SLC12A2: variants seen among roughly 807,000 people sequenced by gnomAD.
The protein encoded by SLC12A2 is solute carrier family 12 member 2, also known as Na-K-2Cl cotransporter 1.
A neutral mutation model predicts 136.3 loss-of-function variants in SLC12A2; 67 were observed. That is an observed-to-expected ratio of 0.49 (90% CI 0.40 to 0.60). The LOEUF is 0.60. Among genes scored for constraint, SLC12A2 ranks in the 20% least tolerant of loss-of-function variants. SLC12A2 has a pLI of 0.00. For synonymous variants in SLC12A2, 619 were observed against 562.9 expected (o/e 1.10, Z -1.41); for missense variants, 1,322 against 1,534.7 (o/e 0.86, Z 2.32).
chr5:128,137,271 CTTCTT>C (rs1762217656), intron 7 of SLC12A2, among the ~76,000 whole-genome samples: 1 of 152,090 alleles, frequency 6.6e-6, no homozygotes, highest in South Asian at 2.1e-4. Context: ...AGAATTTTAT[CTTCTT>C]TTATTTCCTC....
chr5:128,163,728 T>C (rs1763115838), intron 17 of SLC12A2, among the ~76,000 whole-genome samples: 1 of 152,128 alleles, frequency 6.6e-6, no homozygotes. Flanking sequence ...TTAAAAAGTA[T>C]ATGAACAATA....
chr5:128,134,130 G>C (rs768460346), intron 5 of SLC12A2, 35 bp from the exon 6 acceptor site: 6 of 1,088,140 alleles, frequency 5.5e-6, no homozygotes, highest in Non-Finnish European at 8.5e-6. Context: ...AAAATAACTA[G>C]TATTGCTTAT....
chr5:128,129,827 T>C (rs1056014656), intron 4 of SLC12A2, among the ~76,000 whole-genome samples: 4 of 152,196 alleles, frequency 2.6e-5, no homozygotes, highest in African/African-American at 9.7e-5. Context: ...CAAATTTAAA[T>C]TAGAATTTTA....
intron 16 of SLC12A2, among the ~76,000 whole-genome samples, chr5:128,160,423 G>A (rs1261802303): frequency 2.0e-5 from 3 of 151,872 alleles, no homozygotes; most frequent in Admixed American, 1.3e-4. Flanking sequence ...AGAACACTTG[G>A]GAACATTTAC....
At chr5:128,178,827 A>C in intron 22 of SLC12A2, 138 bp downstream of exon 22, 1 of 538,302 alleles carries the variant, frequency 1.9e-6, no homozygotes, top group Non-Finnish European at 3.1e-6. Flanking sequence ...TTAATTTCAG[A>C]ATCAGGCACA....
chr5:128,151,512 T>C, intron 14 of SLC12A2, 116 bp downstream of exon 14: 1 of 962,082 alleles, frequency 1.0e-6, no homozygotes, highest in Non-Finnish European at 1.5e-6. Flanking sequence ...ATTTGAAAGC[T>C]ACTTTGTATA....
chr5:128,084,900 C>T lies in SLC12A2; in HGVS notation c.756+190C>T, dbSNP rs1315141972. Among the ~76,000 whole-genome samples the T allele has an allele frequency of 6.6e-6, 1 of 151,080 alleles. No homozygotes were observed. On this transcript the variant is annotated intron_variant, in intron 1 of 26. Transcript: ENST00000262461. This position sits in a 1 kb window ranked among gnomAD's most constrained non-coding sequence, Gnocchi z 5.6. ...AACTTAATCTCTCAAAAGTTTGTAG[C>T]GGGTTTGGCTAGTTACGTGATACCG...
chr5:128,087,008 A>T (rs1353934680), intron 1 of SLC12A2, among the ~76,000 whole-genome samples: 2 of 152,214 alleles, frequency 1.3e-5, no homozygotes, highest in Non-Finnish European at 2.9e-5. Flanking sequence ...CTACCATGGG[A>T]CTAACTCTGT....
In SLC12A2 at chr5:128,182,917, T is replaced by C; in HGVS notation, c.3275T>C (p.Ile1092Thr). The C allele has an allele frequency of 1.2e-6, 2 of 1,609,376 alleles. No homozygotes were observed. Among genetic ancestry groups the C allele is most frequent in the Non-Finnish European group, 1.7e-6 (2 of 1,177,100 alleles). The change falls in exon 24 of 27, where the codon ATC (isoleucine) becomes ACC (threonine). Residue 1092 changes from isoleucine to threonine, a missense_variant. Ile to Thr is a moderately conservative substitution (Grantham distance 89). This residue lies in a region of SLC12A2 where 172 missense variants were observed against 227.4 expected (regional missense o/e 0.76). Coordinates refer to ENST00000262461, the MANE Select transcript of SLC12A2 (RefSeq NM_001046.3). Reference protein sequence around the residue: ...DFSDIMVLGDINTKPKKENII... With the variant: ...DFSDIMVLGDTNTKPKKENII... ...TCTGATATCATGGTTCTAGGAGATA[T>C]CAATACCAAACCAAAGAAAGAAAAG...
chr5:128,104,185 A>G (rs141208744), intron 1 of SLC12A2, among the ~76,000 whole-genome samples: 5 of 152,348 alleles, frequency 3.3e-5, no homozygotes, highest in African/African-American at 1.2e-4. Context: ...TATCTTGAGC[A>G]GCTAATGAGG....
intron 4 of SLC12A2, among the ~76,000 whole-genome samples, chr5:128,126,966 ATTTT>A (rs1554105175): frequency 3.8e-4 from 8 of 21,160 alleles, no homozygotes; most frequent in South Asian, 2.2e-3. Context: ...ATATATATAT[ATTTT>A]TTTTTTTTTT....
At chr5:128,122,094 CA>C (rs1761604535) in intron 4 of SLC12A2, among the ~76,000 whole-genome samples, 1 of 152,166 alleles carries the variant, frequency 6.6e-6, no homozygotes, top group Non-Finnish European at 1.5e-5. Flanking sequence ...CTGAGCAATA[CA>C]AAGGAAAGTT....
At chr5:128,107,752 C>T (rs756267595) in intron 1 of SLC12A2, among the ~76,000 whole-genome samples, 6 of 152,128 alleles carry the variant, frequency 3.9e-5, no homozygotes, top group Non-Finnish European at 8.8e-5. Flanking sequence ...AATAAACACA[C>T]GTGTGCATGT....
chr5:128,092,654 CT>C (rs1010034414), intron 1 of SLC12A2, among the ~76,000 whole-genome samples: 34 of 151,950 alleles, frequency 2.2e-4, no homozygotes, highest in African/African-American at 8.0e-4. Flanking sequence ...ATCTCAATTT[CT>C]TTTTTTTGTA....
At chr5:128,150,153 A>G (rs1762653959) in intron 13 of SLC12A2, 55 bp downstream of exon 13, 1 of 1,162,438 alleles carries the variant, frequency 8.6e-7, no homozygotes, top group Non-Finnish European at 1.3e-6. Context: ...TGCAAAGAAA[A>G]TAAAACTTTT....
chr5:128,125,874 C>G (rs1761772431), intron 4 of SLC12A2, among the ~76,000 whole-genome samples: 1 of 152,090 alleles, frequency 6.6e-6, no homozygotes, highest in South Asian at 2.1e-4. Context: ...ACCCTTCTTG[C>G]CCCCATCCTT....
At chr5:128,126,968 T>TATATA (rs1761831735) in intron 4 of SLC12A2, among the ~76,000 whole-genome samples, 2 of 54,354 alleles carry the variant, frequency 3.7e-5, no homozygotes, top group African/African-American at 2.3e-4. Flanking sequence ...ATATATATAT[T>TATATA]TTTTTTTTTT....
At chr5:128,163,907 CTTTATT>C (rs1449319380) in intron 17 of SLC12A2, among the ~76,000 whole-genome samples, 1 of 152,000 alleles carries the variant, frequency 6.6e-6, no homozygotes, top group Admixed American at 6.6e-5. Flanking sequence ...ATTATTTATA[CTTTATT>C]TTTGTATGTG....
rs1286735690 is a variant in SLC12A2, at chr5:128,141,052, G to A, written c.1622-778G>A. Among the ~76,000 whole-genome samples the A allele has an allele frequency of 3.3e-5, 5 of 152,188 alleles. No homozygotes were observed. In the South Asian group the frequency reaches 1.0e-3, roughly 32 times the overall value. ...AAAAATCTTTAAAGTATAAGGAATGGTAATTACCATTAGTTGTGCATTACA... is the reference window on the plus strand; with the variant it reads ...AAAAATCTTTAAAGTATAAGGAATGATAATTACCATTAGTTGTGCATTACA... On this transcript the variant is annotated intron_variant, in intron 9 of 26. Transcript: ENST00000262461.
Sources: gnomAD v4.1 joint callset for allele counts (sites outside exome capture counted in the v4.1 genomes callset) on GRCh38, gnomAD v4.1.1 for gene constraint, gnomAD v4.1.1 regional missense constraint, Gnocchi (gnomAD v3.1) non-coding constraint, MANE v1.5 for transcripts, NCBI Gene and HGNC (gene_info 2026-07-23, HGNC 2026-07-21) for gene names.